MACROD2: variants seen among roughly 807,000 people sequenced by gnomAD.
The protein encoded by MACROD2 is mono-ADP ribosylhydrolase 2.
In MACROD2, 36 loss-of-function variants were observed where a neutral mutation model predicts 70.4. That is an observed-to-expected ratio of 0.51 (90% CI 0.39 to 0.68). The LOEUF is 0.68. MACROD2 is among the 30% of genes least tolerant of loss of function. MACROD2 has a pLI of 0.00. For missense variants in MACROD2, 496 were observed against 538.4 expected, an observed-to-expected ratio of 0.92 and a Z score of 0.78; for synonymous variants, 172 against 178.8, an observed-to-expected ratio of 0.96 and a Z score of 0.30.
At chr20:15,852,809 C>G (rs553511591) in intron 8 of MACROD2, among the ~76,000 whole-genome samples, 16 of 152,246 alleles carry the variant, frequency 1.1e-4, no homozygotes, top group African/African-American at 3.6e-4. Context: ...TTCTCATAAC[C>G]AGCCTGGGCA....
chr20:14,268,046 C>T (rs2082158413), intron 3 of MACROD2, among the ~76,000 whole-genome samples: 1 of 151,936 alleles, frequency 6.6e-6, no homozygotes, highest in Admixed American at 6.6e-5. Context: ...CAAATATATA[C>T]AAAAATAGAA....
At chr20:15,166,269 T>G (rs879851494) in intron 5 of MACROD2, among the ~76,000 whole-genome samples, 1 of 152,174 alleles carries the variant, frequency 6.6e-6, no homozygotes, top group Admixed American at 6.5e-5. Context: ...AATGTAATGG[T>G]ATTAGGAATT....
intron 5 of MACROD2, among the ~76,000 whole-genome samples, chr20:15,171,928 GA>G (rs1374638402): frequency 7.2e-5 from 11 of 152,190 alleles, no homozygotes; most frequent in Non-Finnish European, 1.6e-4. Context: ...CTTGCACATG[GA>G]AGGTGCTTAT....
intron 5 of MACROD2, among the ~76,000 whole-genome samples, chr20:14,750,633 T>A (rs1315624511): frequency 1.3e-5 from 2 of 151,998 alleles, no homozygotes; most frequent in Non-Finnish European, 2.9e-5. Context: ...ATAATTTTTG[T>A]ATTTTTTGTA....
chr20:15,135,891 C>A (rs375381464), intron 5 of MACROD2, among the ~76,000 whole-genome samples: 2 of 150,926 alleles, frequency 1.3e-5, no homozygotes, highest in African/African-American at 4.9e-5. Context: ...ATCAATGTAC[C>A]AAAATCACAA....
chr20:15,215,113 T>G (rs2076797919), intron 5 of MACROD2, among the ~76,000 whole-genome samples: 1 of 152,186 alleles, frequency 6.6e-6, no homozygotes, highest in African/African-American at 2.4e-5. Context: ...TAAAGTGTAT[T>G]ATATTTATAA....
chr20:15,051,587 C>T (rs1340733769), intron 5 of MACROD2, among the ~76,000 whole-genome samples: 1 of 152,052 alleles, frequency 6.6e-6, no homozygotes, highest in East Asian at 1.9e-4. Context: ...ATGAGGCCCA[C>T]TCAGATCATC....
At position 15,519,058 on chromosome 20, in the gene MACROD2, C is replaced by CCTTT. The variant is rs902223305; in HGVS notation, c.645+19214_645+19215insTCTT. ...AGTAGGAACTGTTAACTCGCTCTTTCCTTCCTTCCTTCCTTCCTTCCTTCC... is the reference window on the plus strand; with the variant it reads ...AGTAGGAACTGTTAACTCGCTCTTTCCTTTCTTCCTTCCTTCCTTCCTTCCTTCC... On this transcript the variant is annotated intron_variant, in intron 8 of 17. Coordinates refer to ENST00000684519, the MANE Select transcript of MACROD2 (RefSeq NM_001351661.2). 2.4e-4 allele frequency among the ~76,000 whole-genome samples: 8 copies of CCTTT among 33,432 alleles called. No individual in the cohort carries two copies. The East Asian group carries it at 4.1e-3, about 17-fold the overall frequency. The allele number at this position is 33,432 out of a possible 152,430, so 21.9% of individuals were successfully genotyped here. A position where few individuals can be genotyped will look rare whatever the true frequency, so the allele number is the denominator to read the frequency against.
At chr20:15,624,652 C>T (rs549306649) in intron 8 of MACROD2, among the ~76,000 whole-genome samples, 2 of 152,008 alleles carry the variant, frequency 1.3e-5, no homozygotes, top group African/African-American at 2.4e-5. Context: ...TGTCTCCAGC[C>T]GCTTTCTGAC....
chr20:14,464,270 T>C lies in MACROD2; in HGVS notation c.272-29209T>C, dbSNP rs956196115. ...TTCCTGGTTTAGTCTTGGGAGGGTGTATGTGTCGAGGAATTTATCCATTTC... is the reference window on the plus strand; with the variant it reads ...TTCCTGGTTTAGTCTTGGGAGGGTGCATGTGTCGAGGAATTTATCCATTTC... On this transcript the variant is annotated intron_variant, in intron 3 of 17. Coordinates refer to ENST00000684519, the MANE Select transcript of MACROD2 (RefSeq NM_001351661.2). Among the ~76,000 whole-genome samples the C allele has an allele frequency of 1.3e-4, 20 of 152,102 alleles. 1 individual carries two copies. The highest frequency in any genetic ancestry group is 4.6e-4 in the African/African-American group (19 of 41,372).
chr20:15,752,556 A>G (rs2051288760), intron 8 of MACROD2, among the ~76,000 whole-genome samples: 1 of 152,070 alleles, frequency 6.6e-6, no homozygotes, highest in African/African-American at 2.4e-5. Flanking sequence ...TTCTCTATCA[A>G]AGGTCCTGAC....
At chr20:15,760,254 C>A (rs2051416354) in intron 8 of MACROD2, among the ~76,000 whole-genome samples, 1 of 152,248 alleles carries the variant, frequency 6.6e-6, no homozygotes, top group Non-Finnish European at 1.5e-5. Context: ...GGCTTGACAG[C>A]AGCTGCCAAT....
chr20:16,032,749 G>C (rs1203054198), intron 15 of MACROD2, among the ~76,000 whole-genome samples: 2 of 96,886 alleles, frequency 2.1e-5, no homozygotes, highest in Non-Finnish European at 4.7e-5. Context: ...AGGGAAGAAA[G>C]GGAGGAGGGA....
chr20:15,132,568 C>T (rs2076114487), intron 5 of MACROD2, among the ~76,000 whole-genome samples: 1 of 151,722 alleles, frequency 6.6e-6, no homozygotes, highest in Non-Finnish European at 1.5e-5. Flanking sequence ...TGAACTACCT[C>T]ACTGGCCAAT....
At chr20:15,440,175 G>GT (rs1246583246) in intron 7 of MACROD2, among the ~76,000 whole-genome samples, 3 of 152,120 alleles carry the variant, frequency 2.0e-5, no homozygotes, top group African/African-American at 7.2e-5. Flanking sequence ...TATTCCGTGA[G>GT]TACTTAAAAA....
chr20:15,622,303 G>C (rs1332717571), intron 8 of MACROD2, among the ~76,000 whole-genome samples: 1 of 152,192 alleles, frequency 6.6e-6, no homozygotes, highest in African/African-American at 2.4e-5. Flanking sequence ...TTAAATGTGA[G>C]ATATTTGTGA....
intron 12 of MACROD2, among the ~76,000 whole-genome samples, chr20:15,938,328 G>A (rs2065697968): frequency 1.3e-5 from 2 of 152,038 alleles, no homozygotes; most frequent in South Asian, 4.1e-4. Flanking sequence ...AGTTTTGTGG[G>A]AACCCTGCAT....
At chr20:14,339,661 G>A (rs879412878) in intron 3 of MACROD2, among the ~76,000 whole-genome samples, 2 of 152,102 alleles carry the variant, frequency 1.3e-5, no homozygotes, top group Admixed American at 1.3e-4. Context: ...CCTTCTCTGG[G>A]CTGCCATTGT....
chr20:15,390,788 G>C (rs1445045009), intron 6 of MACROD2, among the ~76,000 whole-genome samples: 3 of 152,206 alleles, frequency 2.0e-5, no homozygotes, highest in Non-Finnish European at 4.4e-5. Flanking sequence ...GAATAAGCAG[G>C]CATTTAGAAA....
Sources: allele counts gnomAD v4.1 joint callset (sites outside exome capture counted in the v4.1 genomes callset), GRCh38; gene constraint gnomAD v4.1.1; transcripts MANE v1.5; gene names NCBI Gene and HGNC (gene_info 2026-07-23, HGNC 2026-07-21).